Variants in MAGI2 observed in about 807,000 individuals in gnomAD.
MAGI2 encodes the protein membrane associated guanylate kinase, WW and PDZ domain containing 2.
A neutral mutation model predicts 133.3 loss-of-function variants in MAGI2; 35 were observed. That is an observed-to-expected ratio of 0.26 (90% CI 0.20 to 0.35). The LOEUF (loss-of-function observed/expected upper bound fraction) is 0.35. Ranked by LOEUF, MAGI2 falls within the 10% of genes least tolerant of loss-of-function variation. The pLI is 1.00. For synonymous variants in MAGI2, 729 were observed against 710.6 expected (o/e 1.03, Z -0.41); for missense variants, 1,636 against 1,863.4 (o/e 0.88, Z 2.25).
Position 78,901,318 on chromosome 7 carries a change from C to T in MAGI2, c.418+105772G>A, listed in dbSNP as rs530480350. 3.9e-5 allele frequency: 6 copies of T among 152,164 alleles called. No individual in the cohort carries two copies. The South Asian group carries it at 6.2e-4, about 16-fold the overall frequency. The allele number at this position is 152,164 out of a possible 1,614,324, so 9.4% of individuals were successfully genotyped here. On this transcript the variant is annotated intron_variant, in intron 2 of 21. Transcript: ENST00000354212. Reference sequence around the variant, plus strand: ...TTTAATAAGCTTATTGTTTATAAAGCAGACAATATTACAGAGAGCTCAATA... The same window carrying T: ...TTTAATAAGCTTATTGTTTATAAAGTAGACAATATTACAGAGAGCTCAATA...
chr7:79,226,523 G>A (rs924575650), intron 1 of MAGI2, among the ~76,000 whole-genome samples: 1 of 152,076 alleles, frequency 6.6e-6, no homozygotes, highest in Non-Finnish European at 1.5e-5. Flanking sequence ...TAGATCTGAA[G>A]CTTGGAATTA....
chr7:78,832,325 A>G (rs73702984), intron 2 of MAGI2, among the ~76,000 whole-genome samples: 17,150 of 152,148 alleles, frequency 0.11, 1,069 homozygotes, highest in East Asian at 0.22. Context: ...CATTGAATAC[A>G]TGACATGTCT....
At chr7:78,070,222 C>T (rs79832743) in intron 21 of MAGI2, among the ~76,000 whole-genome samples, 70 of 38,502 alleles carry the variant, frequency 1.8e-3, no homozygotes, top group South Asian at 4.8e-3. Flanking sequence ...TATATATACA[C>T]ACACACACAC....
intron 20 of MAGI2, among the ~76,000 whole-genome samples, chr7:78,119,346 G>A (rs1306694031): frequency 6.6e-6 from 1 of 151,994 alleles, no homozygotes; most frequent in African/African-American, 2.4e-5. Flanking sequence ...AGATCATGAG[G>A]TCAGGGGATA....
intron 10 of MAGI2, among the ~76,000 whole-genome samples, chr7:78,217,829 A>C (rs1245461703): frequency 6.6e-6 from 1 of 152,224 alleles, no homozygotes; most frequent in African/African-American, 2.4e-5. Flanking sequence ...TGTTGGTTTT[A>C]TATTCAATGG....
chr7:78,428,549 G>A (rs1217734479), intron 6 of MAGI2, among the ~76,000 whole-genome samples: 1 of 152,192 alleles, frequency 6.6e-6, no homozygotes, highest in South Asian at 2.1e-4. Flanking sequence ...TTGTCAAAAA[G>A]TATATTTAAA....
Position 78,644,567 on chromosome 7 carries a change from G to A in MAGI2, c.419-17328C>T, listed in dbSNP as rs967198552. Among the ~76,000 whole-genome samples, 7 of 152,052 alleles carry A rather than the reference G, an allele frequency of 4.6e-5. No homozygotes were observed. The South Asian group carries it at 6.2e-4, about 13-fold the overall frequency. ...ACTTTCAAATAGCTCATGTGTCAAG[G>A]AAGAAATAAAAAGGTAATTACAAAT... On this transcript the variant is annotated intron_variant, in intron 2 of 21. Coordinates refer to ENST00000354212, the MANE Select transcript of MAGI2 (RefSeq NM_012301.4).
intron 1 of MAGI2, among the ~76,000 whole-genome samples, chr7:79,061,814 G>A (rs1481858338): frequency 1.3e-5 from 2 of 152,084 alleles, no homozygotes; most frequent in Non-Finnish European, 2.9e-5. Context: ...TCTGACAAGT[G>A]AAGTCACAGA....
intron 2 of MAGI2, among the ~76,000 whole-genome samples, chr7:78,692,026 C>T (rs1585101854): frequency 6.6e-6 from 1 of 151,990 alleles, no homozygotes. Flanking sequence ...CTGTACCTTC[C>T]TCTCAATCTT....
chr7:78,667,853 G>C (rs185052483), intron 2 of MAGI2, among the ~76,000 whole-genome samples: 246 of 152,170 alleles, frequency 1.6e-3, no homozygotes, highest in African/African-American at 5.9e-3. Flanking sequence ...ATAAACATAC[G>C]TGTGCATGTG....
chr7:79,441,552 AT>A (rs1848496910), intron 1 of MAGI2, among the ~76,000 whole-genome samples: 1 of 152,026 alleles, frequency 6.6e-6, no homozygotes, highest in African/African-American at 2.4e-5. Flanking sequence ...GTATATATGT[AT>A]TTTGCACATT....
chr7:79,195,770 A>T (rs1828024321), intron 1 of MAGI2, among the ~76,000 whole-genome samples: 1 of 150,178 alleles, frequency 6.7e-6, no homozygotes, highest in Non-Finnish European at 1.5e-5. Flanking sequence ...ATCCAGCATC[A>T]ATCTAATACT....
intron 2 of MAGI2, among the ~76,000 whole-genome samples, chr7:78,749,966 G>A (rs1823294837): frequency 1.3e-5 from 2 of 152,086 alleles, no homozygotes; most frequent in Non-Finnish European, 2.9e-5. Flanking sequence ...CACGTGCCAT[G>A]GTGGTTTGCT....
At chr7:78,099,589 A>G (rs117116314) in intron 20 of MAGI2, among the ~76,000 whole-genome samples, 1 of 152,254 alleles carries the variant, frequency 6.6e-6, no homozygotes, top group Non-Finnish European at 1.5e-5. Flanking sequence ...ATGTGTTATT[A>G]TCATGATCTA....
chr7:78,835,689 C>G (rs1283363055), intron 2 of MAGI2, among the ~76,000 whole-genome samples: 1 of 152,118 alleles, frequency 6.6e-6, no homozygotes, highest in Non-Finnish European at 1.5e-5. Context: ...ATTCCTCACT[C>G]CCAGGAAGGA....
chr7:78,124,516 A>G (rs1348032551), intron 20 of MAGI2, among the ~76,000 whole-genome samples: 1 of 152,198 alleles, frequency 6.6e-6, no homozygotes, highest in African/African-American at 2.4e-5. Flanking sequence ...ATAGAAATGC[A>G]GACTTGGTGG....
rs373132221 is a variant in MAGI2, at chr7:79,226,557, T to C, written c.302-219351A>G. 1.1e-4 allele frequency among the ~76,000 whole-genome samples: 16 copies of C among 152,268 alleles called. No individual in the cohort carries two copies. In the East Asian group the frequency reaches 1.5e-3, roughly 15 times the overall value. On this transcript the variant is annotated intron_variant, in intron 1 of 21. Coordinates refer to ENST00000354212, the MANE Select transcript of MAGI2 (RefSeq NM_012301.4). ...TAAAATTAAATAAAATAAAAATACATTGATAGGAAACAGGTTGAGCTATCT... is the reference window on the plus strand; with the variant it reads ...TAAAATTAAATAAAATAAAAATACACTGATAGGAAACAGGTTGAGCTATCT...
At chr7:78,573,365 AATATATATAT>A (rs58739225) in intron 3 of MAGI2, among the ~76,000 whole-genome samples, 1,184 of 28,998 alleles carry the variant, frequency 0.041, 62 homozygotes, top group Middle Eastern at 0.052. Flanking sequence ...GAATCCTGGA[AATATATATAT>A]ATATATATAT....
intron 2 of MAGI2, among the ~76,000 whole-genome samples, chr7:78,985,944 C>A (rs763061383): frequency 6.6e-6 from 1 of 152,018 alleles, no homozygotes; most frequent in Non-Finnish European, 1.5e-5. Context: ...ATAGAAGATT[C>A]CAGGTAATGC....
Sources: allele counts gnomAD v4.1 joint callset (sites outside exome capture counted in the v4.1 genomes callset), GRCh38; gene constraint gnomAD v4.1.1; transcripts MANE v1.5; gene names NCBI Gene and HGNC (gene_info 2026-07-23, HGNC 2026-07-21).